The following FBXO36 variants were observed in gnomAD, a reference collection of about 807,000 sequenced individuals.
FBXO36 encodes the protein F-box protein 36, also known as F-box only protein 36.
FBXO36 carries 18 observed loss-of-function variants against 17.0 expected under a neutral mutation model. That is an observed-to-expected ratio of 1.06 (90% CI 0.73 to 1.57). The LOEUF (loss-of-function observed/expected upper bound fraction) is 1.57, where lower values mean the gene tolerates loss of function less well. Among genes scored for constraint, FBXO36 ranks in the 40% most tolerant of loss-of-function variants. The pLI, the probability that FBXO36 is intolerant of heterozygous loss-of-function variation, is 0.00. For synonymous variants in FBXO36, 83 were observed against 85.3 expected (o/e 0.97, Z 0.15); for missense variants, 229 against 221.9 (o/e 1.03, Z -0.20).
intron 3 of FBXO36, among the ~76,000 whole-genome samples, chr2:230,006,864 TGTAGG>T (rs1337740523): frequency 2.0e-5 from 3 of 152,182 alleles, no homozygotes; most frequent in Non-Finnish European, 2.9e-5. Flanking sequence ...AGCCAGACTG[TGTAGG>T]GACTCTGTGA....
chr2:229,923,869 T>C (rs1314442369), intron 1 of FBXO36, among the ~76,000 whole-genome samples: 2 of 143,328 alleles, frequency 1.4e-5, no homozygotes, highest in East Asian at 4.0e-4. Context: ...TTTTTTTTTT[T>C]TTGAGACGGA....
intron 1 of FBXO36, among the ~76,000 whole-genome samples, chr2:229,955,669 G>GA (rs1459022256): frequency 6.6e-6 from 1 of 152,162 alleles, no homozygotes; most frequent in Non-Finnish European, 1.5e-5. Flanking sequence ...TGGAATGAAT[G>GA]AAATACTATG....
At chr2:229,963,763 G>C (rs1472660347) in intron 1 of FBXO36, among the ~76,000 whole-genome samples, 1 of 152,118 alleles carries the variant, frequency 6.6e-6, no homozygotes, top group Non-Finnish European at 1.5e-5. Context: ...TGTTTCTTAT[G>C]TGTGGCACTG....
intron 1 of FBXO36, among the ~76,000 whole-genome samples, chr2:229,969,384 T>TAAAA (rs756723393): frequency 8.4e-6 from 1 of 118,614 alleles, no homozygotes; most frequent in East Asian, 2.4e-4. Context: ...ACTCACAAAT[T>TAAAA]AAAAAAAAAA....
At chr2:229,938,755 C>CT (rs57331069) in intron 1 of FBXO36, among the ~76,000 whole-genome samples, 18,831 of 111,222 alleles carry the variant, frequency 0.17, 1,691 homozygotes, top group East Asian at 0.28. Context: ...CCCAAAAAAC[C>CT]TTTTTTTTTT....
At chr2:229,984,119 G>A (rs1216176088) in intron 2 of FBXO36, among the ~76,000 whole-genome samples, 1 of 152,092 alleles carries the variant, frequency 6.6e-6, no homozygotes, top group Non-Finnish European at 1.5e-5. Context: ...GGAGGCCGAG[G>A]CGGGTGGATC....
intron 1 of FBXO36, among the ~76,000 whole-genome samples, chr2:229,960,226 G>T (rs184507410): frequency 6.6e-6 from 1 of 152,032 alleles, no homozygotes; most frequent in Non-Finnish European, 1.5e-5. Context: ...CATCCAGGCT[G>T]TAGTGCAATG....
chr2:229,928,692 A>G (rs928165092), intron 1 of FBXO36, among the ~76,000 whole-genome samples: 7 of 152,150 alleles, frequency 4.6e-5, no homozygotes, highest in Non-Finnish European at 8.8e-5. Context: ...CTAATTCTAC[A>G]GTTTTAGAGT....
chr2:229,987,270 A>G (rs1022888254), intron 2 of FBXO36, among the ~76,000 whole-genome samples: 9 of 151,832 alleles, frequency 5.9e-5, no homozygotes, highest in African/African-American at 2.2e-4. Flanking sequence ...AGATGTTAAC[A>G]TTTGTCCTAT....
At chr2:229,964,559 A>AC (rs2077140965) in intron 1 of FBXO36, among the ~76,000 whole-genome samples, 1 of 152,198 alleles carries the variant, frequency 6.6e-6, no homozygotes, top group East Asian at 1.9e-4. Context: ...TCGCTCTGTC[A>AC]CCCAGGCTGA....
rs1323520364 is a variant in FBXO36, at chr2:229,996,978, A to G, written c.378+55A>G. The G allele has an allele frequency of 5.2e-6, 8 of 1,549,736 alleles. No homozygotes were observed. The Admixed American group carries it at 8.0e-5, about 16-fold the overall frequency. ...GAATTTTCCATGTGCTTTCTAAAAA[A>G]AATTTTTAACATAGCAATCATTTGT... On this transcript the variant is annotated intron_variant, in intron 3 of 3. Coordinates refer to ENST00000283946, the MANE Select transcript of FBXO36 (RefSeq NM_174899.5).
rs183262938 is a variant in FBXO36, at chr2:229,947,052, C to G, written c.96+24443C>G. 6.4e-4 allele frequency among the ~76,000 whole-genome samples: 97 copies of G among 152,178 alleles called. 1 individual carries two copies. The East Asian group carries it at 0.014, about 23-fold the overall frequency. On this transcript the variant is annotated intron_variant, in intron 1 of 3. Coordinates refer to ENST00000283946, the MANE Select transcript of FBXO36 (RefSeq NM_174899.5). ...GCATGGTGGCAGGTGCCTGTAATCT[C>G]AGCTACTTGGGAGGCTGAGGCAGGA...
chr2:229,953,671 C>G (rs1367106317), intron 1 of FBXO36, among the ~76,000 whole-genome samples: 1 of 146,812 alleles, frequency 6.8e-6, no homozygotes, highest in Non-Finnish European at 1.5e-5. Flanking sequence ...TATCTTGTCT[C>G]AGAGAAAAAA....
chr2:229,935,447 A>C (rs149948796), intron 1 of FBXO36, among the ~76,000 whole-genome samples: 41 of 152,218 alleles, frequency 2.7e-4, no homozygotes, highest in Middle Eastern at 3.4e-3. Flanking sequence ...TGGGAGGTGG[A>C]GGTTGCAGCG....
intron 3 of FBXO36, among the ~76,000 whole-genome samples, chr2:230,001,795 C>G (rs1244394147): frequency 6.6e-6 from 1 of 151,762 alleles, no homozygotes; most frequent in Non-Finnish European, 1.5e-5. Context: ...CACTTATTTC[C>G]TTTCTCTTCT....
At chr2:229,992,358 A>G (rs959542976) in intron 2 of FBXO36, among the ~76,000 whole-genome samples, 2 of 152,028 alleles carry the variant, frequency 1.3e-5, no homozygotes, top group African/African-American at 2.4e-5. Context: ...ATGTTTCACC[A>G]TGTTGACCGG....
chr2:229,973,584 C>T (rs1317415394), intron 1 of FBXO36, among the ~76,000 whole-genome samples: 9 of 151,000 alleles, frequency 6.0e-5, no homozygotes, highest in Non-Finnish European at 1.2e-4. Flanking sequence ...AGCCAGGTGC[C>T]GTGGTGGGCG....
intron 1 of FBXO36, among the ~76,000 whole-genome samples, chr2:229,946,995 C>T (rs765228811): frequency 8.6e-5 from 13 of 151,956 alleles, no homozygotes; most frequent in Admixed American, 3.9e-4. Context: ...GGTGAAATCC[C>T]GTCTCTACTA....
At chr2:229,929,506 C>T (rs555614486) in intron 1 of FBXO36, among the ~76,000 whole-genome samples, 19 of 151,720 alleles carry the variant, frequency 1.3e-4, no homozygotes, top group African/African-American at 4.4e-4. Flanking sequence ...GCGAAGCTTG[C>T]AGTGAGCTGA....
Sources: allele counts gnomAD v4.1 joint callset (sites outside exome capture counted in the v4.1 genomes callset), GRCh38; gene constraint gnomAD v4.1.1; transcripts MANE v1.5; gene names NCBI Gene and HGNC (gene_info 2026-07-23, HGNC 2026-07-21).